TMOD3: variants seen among roughly 807,000 people sequenced by gnomAD.
The protein encoded by TMOD3 is tropomodulin-3.
Under a neutral mutation model 39.2 loss-of-function variants are expected in TMOD3, and 20 were observed. The ratio of observed to expected loss-of-function variants is 0.51; its 90% CI spans 0.36 to 0.74. The LOEUF (loss-of-function observed/expected upper bound fraction) is 0.74, where lower values mean the gene tolerates loss of function less well. TMOD3 is among the 30% of genes least tolerant of loss of function. The pLI is 0.00. For missense variants in TMOD3, 381 were observed against 412.8 expected (o/e 0.92, Z 0.67); for synonymous variants, 143 against 145.8 (o/e 0.98, Z 0.14).
chr15:51,915,173 A>G lies in TMOD3; in HGVS notation c.*6363A>G, dbSNP rs762702043. On this transcript the variant is annotated 3_prime_UTR_variant, in exon 10 of 10. Coordinates refer to ENST00000308580, the MANE Select transcript of TMOD3 (RefSeq NM_014547.5). ...TTCAAATATTATAGTCTATACATTC[A>G]GAAAGTAAGGTTTAAGAATGAATTA... 1 of 152,122 alleles carries G rather than the reference A, an allele frequency of 6.6e-6. No homozygotes were observed. The highest frequency in any genetic ancestry group is 2.1e-4 in the South Asian group (1 of 4,830). The allele number at this position is 152,122 out of a possible 1,614,324, so 9.4% of individuals were successfully genotyped here. A position where few individuals can be genotyped will look rare whatever the true frequency, so the allele number is the denominator to read the frequency against.
intron 6 of TMOD3, among the ~76,000 whole-genome samples, chr15:51,895,170 G>A (rs1263565189): frequency 6.6e-6 from 1 of 151,948 alleles, no homozygotes; most frequent in East Asian, 1.9e-4. Flanking sequence ...TGTGAGTAGA[G>A]GAAGGAAAGC....
chr15:51,858,851 C>T (rs968634583), intron 1 of TMOD3, among the ~76,000 whole-genome samples: 1 of 152,070 alleles, frequency 6.6e-6, no homozygotes, highest in African/African-American at 2.4e-5. Context: ...AACATTAAAT[C>T]AGCAGTTCTC....
chr15:51,889,171 T>C (rs1182413663), intron 5 of TMOD3, 26 bp downstream of exon 5: 1 of 1,426,528 alleles, frequency 7.0e-7, no homozygotes, highest in East Asian at 2.3e-5. Context: ...GCTTTGTGAA[T>C]TCTAATCCTT....
At chr15:51,888,457 A>G (rs2056576532) in intron 4 of TMOD3, among the ~76,000 whole-genome samples, 1 of 152,248 alleles carries the variant, frequency 6.6e-6, no homozygotes, top group Non-Finnish European at 1.5e-5. Flanking sequence ...TACATTCACC[A>G]GAGTGGAATG....
At chr15:51,893,769 A>AG in intron 5 of TMOD3, 46 bp from the exon 6 acceptor site, 3 of 1,462,524 alleles carry the variant, frequency 2.1e-6, no homozygotes, top group Non-Finnish European at 2.7e-6. Flanking sequence ...CGTCTCAAAA[A>AG]AAAAAAAATG....
intron 1 of TMOD3, among the ~76,000 whole-genome samples, chr15:51,846,177 A>T (rs911336638): frequency 2.0e-5 from 3 of 151,712 alleles, no homozygotes; most frequent in African/African-American, 7.3e-5. Context: ...ATACAAAAAT[A>T]AAAATTAGCC....
At chr15:51,847,045 G>A (rs1298577891) in intron 1 of TMOD3, among the ~76,000 whole-genome samples, 1 of 152,130 alleles carries the variant, frequency 6.6e-6, no homozygotes, top group African/African-American at 2.4e-5. Flanking sequence ...AGGGGAGGTG[G>A]GACAGAACTG....
At chr15:51,875,624 T>G (rs1051793765) in intron 3 of TMOD3, among the ~76,000 whole-genome samples, 8 of 149,588 alleles carry the variant, frequency 5.3e-5, no homozygotes, top group African/African-American at 2.0e-4. Context: ...TTTTTTTTTT[T>G]TTTTTTCCTG....
intron 1 of TMOD3, among the ~76,000 whole-genome samples, chr15:51,855,295 A>G (rs764675086): frequency 6.6e-6 from 1 of 152,250 alleles, no homozygotes; most frequent in Non-Finnish European, 1.5e-5. Context: ...CTTATTAGAA[A>G]TGCAGATTAT....
chr15:51,885,542 ACCG>A (rs2056556579), intron 3 of TMOD3, among the ~76,000 whole-genome samples: 2 of 152,152 alleles, frequency 1.3e-5, no homozygotes, highest in South Asian at 4.1e-4. Context: ...CACATCTTGC[ACCG>A]CCCTTAATCC....
intron 1 of TMOD3, among the ~76,000 whole-genome samples, chr15:51,842,706 C>T (rs1332527214): frequency 6.6e-6 from 1 of 152,178 alleles, no homozygotes; most frequent in Non-Finnish European, 1.5e-5. Flanking sequence ...TTTTATCCCA[C>T]CTCATGAGAA....
rs1333594551 is a variant in TMOD3 at position 51,908,928 on chromosome 15, C to CA, written c.*119dup. 6 of 627,040 alleles carry CA rather than the reference C, an allele frequency of 9.6e-6. No homozygotes were observed. Among genetic ancestry groups the CA allele is most frequent in the Non-Finnish European group, 1.6e-5 (6 of 383,712 alleles). The allele number at this position is 627,040 out of a possible 1,614,324, so 38.8% of individuals were successfully genotyped here. ...AAGACTGGAAAAATTTTTTTAGTGA[C>CA]ATGCATTTTTTTTTTAGTTGTTATC... On this transcript the variant is annotated 3_prime_UTR_variant, in exon 10 of 10. Transcript: ENST00000308580.
chr15:51,831,815 T>C (rs1205513232), intron 1 of TMOD3, among the ~76,000 whole-genome samples: 3 of 152,160 alleles, frequency 2.0e-5, no homozygotes, highest in Non-Finnish European at 4.4e-5. Flanking sequence ...AATTCATGAA[T>C]TCAAGTATGT....
At chr15:51,845,199 C>G (rs1369060402) in intron 1 of TMOD3, among the ~76,000 whole-genome samples, 3 of 152,148 alleles carry the variant, frequency 2.0e-5, no homozygotes, top group African/African-American at 7.2e-5. Flanking sequence ...TAGGTTTCAA[C>G]CTTTGCCAAG....
At chr15:51,859,574 G>T in intron 1 of TMOD3, 1 of 604,108 alleles carries the variant, frequency 1.7e-6, no homozygotes, top group South Asian at 1.4e-5. Flanking sequence ...TGGCACCTGT[G>T]ACAGCTAAGA....
chr15:51,888,735 G>T (rs76659159), intron 4 of TMOD3, among the ~76,000 whole-genome samples: 2 of 151,978 alleles, frequency 1.3e-5, no homozygotes, highest in African/African-American at 4.8e-5. Context: ...ATTAATGAAC[G>T]GCAAAAATAG....
intron 1 of TMOD3, among the ~76,000 whole-genome samples, chr15:51,856,417 T>C (rs777210293): frequency 2.0e-5 from 3 of 152,212 alleles, no homozygotes; most frequent in Non-Finnish European, 4.4e-5. Context: ...TTCTATAATC[T>C]GAATCTGAAG....
chr15:51,839,913 C>G (rs1189953418), intron 1 of TMOD3, among the ~76,000 whole-genome samples: 2 of 152,126 alleles, frequency 1.3e-5, no homozygotes, highest in African/African-American at 4.8e-5. Flanking sequence ...TTTACTGACT[C>G]CGCTCCCAGC....
At chr15:51,844,273 G>A (rs2056325695) in intron 1 of TMOD3, among the ~76,000 whole-genome samples, 1 of 152,128 alleles carries the variant, frequency 6.6e-6, no homozygotes, top group Admixed American at 6.6e-5. Flanking sequence ...AGATTTGGAA[G>A]GACCTTGGAG....
Sources: allele counts gnomAD v4.1 joint callset (sites outside exome capture counted in the v4.1 genomes callset), GRCh38; gene constraint gnomAD v4.1.1; transcripts MANE v1.5; gene names NCBI Gene and HGNC (gene_info 2026-07-23, HGNC 2026-07-21).